LINGO2: variants seen among roughly 807,000 people sequenced by gnomAD.
LINGO2 encodes leucine-rich repeat and immunoglobulin-like domain-containing nogo receptor-interacting protein 2.
In LINGO2, 14 loss-of-function variants were observed where a neutral mutation model predicts 30.6. The ratio of observed to expected loss-of-function variants is 0.46; its 90% CI spans 0.30 to 0.72. The LOEUF is 0.72. Ranked by LOEUF, LINGO2 falls within the 30% of genes least tolerant of loss-of-function variation. The probability of loss-of-function intolerance (pLI) is 0.07; values close to 1 mark genes in which losing one functional copy is unlikely to be tolerated. For synonymous variants in LINGO2, 317 were observed against 288.5 expected, an observed-to-expected ratio of 1.10 and a Z score of -1.00; for missense variants, 729 against 751.7, an observed-to-expected ratio of 0.97 and a Z score of 0.35.
At position 28,149,897 on chromosome 9, in the gene LINGO2, G is replaced by T. The variant is rs547279534; in HGVS notation, c.-86-137492C>A. Among the ~76,000 whole-genome samples, 4 of 149,052 alleles carry T rather than the reference G, an allele frequency of 2.7e-5. No individual in the cohort carries two copies. In the East Asian group the frequency reaches 8.1e-4, roughly 30 times the overall value. On this transcript the variant is annotated intron_variant, in intron 4 of 5. Coordinates refer to ENST00000379992, the Ensembl canonical transcript of LINGO2. ...CCGCCCTGTCTGGGAAGTAAGGAGCGCCTATGCCTCGCCGCCGTCCTGTCT... is the reference window on the plus strand; with the variant it reads ...CCGCCCTGTCTGGGAAGTAAGGAGCTCCTATGCCTCGCCGCCGTCCTGTCT...
chr9:28,549,615 A>G (rs1335324847), intron 1 of LINGO2, among the ~76,000 whole-genome samples: 1 of 151,978 alleles, frequency 6.6e-6, no homozygotes, highest in Non-Finnish European at 1.5e-5. Context: ...CCTTACCAAT[A>G]ATGGGTATTA....
At chr9:29,161,056 G>A in the LINGO2 span, among the ~76,000 whole-genome samples, 15 of 152,368 alleles carry the variant, frequency 9.8e-5, no homozygotes, top group South Asian at 3.1e-3. Context: ...AGAGGAGCCA[G>A]GGCACAACAG....
intron 4 of LINGO2, among the ~76,000 whole-genome samples, chr9:28,223,574 C>T (rs899754999): frequency 2.6e-5 from 4 of 152,084 alleles, no homozygotes; most frequent in African/African-American, 9.7e-5. Flanking sequence ...TAATTAGATG[C>T]TTATCAGGCT....
At chr9:28,564,727 T>C (rs907761071) in intron 1 of LINGO2, among the ~76,000 whole-genome samples, 2 of 152,144 alleles carry the variant, frequency 1.3e-5, no homozygotes, top group African/African-American at 4.8e-5. Flanking sequence ...CCAATAAACC[T>C]GCACTGTTTA....
intron 2 of LINGO2, among the ~76,000 whole-genome samples, chr9:28,464,610 C>T (rs1411230412): frequency 6.6e-6 from 1 of 152,092 alleles, no homozygotes; most frequent in Non-Finnish European, 1.5e-5. Flanking sequence ...ATAAACATGC[C>T]TAAATGAATA....
At chr9:28,632,338 A>C (rs1215422809) in intron 1 of LINGO2, among the ~76,000 whole-genome samples, 1 of 151,942 alleles carries the variant, frequency 6.6e-6, no homozygotes, top group Non-Finnish European at 1.5e-5. Context: ...TGGGCAGGGA[A>C]ACTGCAACTA....
chr9:28,753,685 G>C, the LINGO2 span, among the ~76,000 whole-genome samples: 6 of 151,884 alleles, frequency 4.0e-5, no homozygotes, highest in Admixed American at 6.6e-5. Flanking sequence ...AAGTAACTAA[G>C]GGATACTGGA....
chr9:28,330,933 A>G lies in LINGO2; in HGVS notation c.-245-35567T>C, dbSNP rs563264081. 8.3e-4 allele frequency among the ~76,000 whole-genome samples: 127 copies of G among 152,298 alleles called. 1 individual carries two copies. Among genetic ancestry groups the G allele is most frequent in the African/African-American group, 2.9e-3 (121 of 41,550 alleles). ...TAAGACAGATTTTCAAGAGACATGA[A>G]GATCTGGTAGGATACTGTTGCTATT... is the stretch of plus-strand genomic sequence containing the variant. On this transcript the variant is annotated intron_variant, in intron 3 of 5. Coordinates refer to ENST00000379992, the Ensembl canonical transcript of LINGO2.
intron 4 of LINGO2, among the ~76,000 whole-genome samples, chr9:28,137,369 C>G (rs1485495215): frequency 6.6e-6 from 1 of 152,072 alleles, no homozygotes; most frequent in South Asian, 2.1e-4. Context: ...TTCTGTGCAG[C>G]AAGAGTGCTT....
chr9:29,119,363 G>GCACACACA, the LINGO2 span, among the ~76,000 whole-genome samples: 69 of 151,270 alleles, frequency 4.6e-4, no homozygotes, highest in East Asian at 1.4e-3. Context: ...GCACGTGTGC[G>GCACACACA]CGCACACACA....
At chr9:28,966,714 C>T in the LINGO2 span, among the ~76,000 whole-genome samples, 1 of 152,004 alleles carries the variant, frequency 6.6e-6, no homozygotes, top group Non-Finnish European at 1.5e-5. Context: ...GACCACATCG[C>T]CTCCCATGAA....
intron 4 of LINGO2, among the ~76,000 whole-genome samples, chr9:28,149,549 T>G (rs563516972): frequency 7.9e-5 from 10 of 127,090 alleles, no homozygotes; most frequent in Admixed American, 1.6e-4. Flanking sequence ...GCCCGGGCCC[T>G]GCCCCGTCTG....
At chr9:28,908,555 T>C in the LINGO2 span, among the ~76,000 whole-genome samples, 2 of 151,736 alleles carry the variant, frequency 1.3e-5, no homozygotes, top group Non-Finnish European at 2.9e-5. Flanking sequence ...AGAAAGAAAA[T>C]ATTATTTTAA....
the LINGO2 span, among the ~76,000 whole-genome samples, chr9:28,787,979 G>C: frequency 6.6e-6 from 1 of 152,100 alleles, no homozygotes; most frequent in African/African-American, 2.4e-5. Flanking sequence ...CTAACCATCA[G>C]TACTGCCTCT....
chr9:28,908,027 G>C, the LINGO2 span, among the ~76,000 whole-genome samples: 2 of 151,710 alleles, frequency 1.3e-5, no homozygotes, highest in Non-Finnish European at 3.0e-5. Flanking sequence ...GCATTACTTA[G>C]TACTAAAATA....
At chr9:29,016,056 C>A in the LINGO2 span, among the ~76,000 whole-genome samples, 1 of 152,130 alleles carries the variant, frequency 6.6e-6, no homozygotes, top group Non-Finnish European at 1.5e-5. Context: ...TCAAGGTATT[C>A]ATTTCAGTAA....
chr9:28,843,518 T>G, the LINGO2 span, among the ~76,000 whole-genome samples: 1 of 150,292 alleles, frequency 6.7e-6, no homozygotes, highest in African/African-American at 2.5e-5. Flanking sequence ...AGAGAAGGAG[T>G]GGCAAAGAAG....
In LINGO2 at chr9:28,117,800, G is replaced by A. The variant is rs965603791; in HGVS notation, c.-86-105395C>T. On this transcript the variant is annotated intron_variant, in intron 4 of 5. Coordinates refer to ENST00000379992, the Ensembl canonical transcript of LINGO2. ...ACGGTGCGCACACACACTGGCCTGC[G>A]CCCACTGTCTGGCACTCCCTAGTGA... 3.1e-4 allele frequency among the ~76,000 whole-genome samples: 47 copies of A among 151,182 alleles called. 1 individual carries two copies. The highest frequency in any genetic ancestry group is 9.0e-4 in the African/African-American group (37 of 41,174).
the LINGO2 span, among the ~76,000 whole-genome samples, chr9:28,714,887 T>C: frequency 1.3e-5 from 2 of 152,180 alleles, no homozygotes; most frequent in African/African-American, 4.8e-5. Context: ...ATGAAAGTTC[T>C]GTAATGTTAC....
Sources: allele counts gnomAD v4.1 joint callset (sites outside exome capture counted in the v4.1 genomes callset), GRCh38; gene constraint gnomAD v4.1.1; transcripts MANE v1.5; gene names NCBI Gene and HGNC (gene_info 2026-07-23, HGNC 2026-07-21).